The following DGLUCY variants were observed in gnomAD, a reference collection of about 807,000 sequenced individuals.
DGLUCY encodes the protein D-glutamate cyclase.
DGLUCY carries 58 observed loss-of-function variants against 58.5 expected under a neutral mutation model. The ratio of observed to expected loss-of-function variants is 0.99; its 90% CI spans 0.80 to 1.23. The LOEUF is 1.23. Ranked by LOEUF, DGLUCY falls within the 50% of genes most tolerant of loss-of-function variation. The probability of loss-of-function intolerance (pLI) is 0.00; values close to 1 mark genes in which losing one functional copy is unlikely to be tolerated. For missense variants in DGLUCY, 779 were observed against 784.7 expected (o/e 0.99, Z 0.09); for synonymous variants, 325 against 314.1 (o/e 1.03, Z -0.37).
In DGLUCY at chr14:91,170,035, T is replaced by TC. The variant is rs1566980044; in HGVS notation, c.291dup (p.Gly98ArgfsTer95). On this transcript the variant is annotated frameshift_variant, in exon 5 of 14. Transcript: ENST00000256324. LOFTEE classifies it high-confidence loss of function. ...CATCCCCAGTTCTGGAAATACGAGT[T>TC]CGGTGCCTGCACCGGCAGCCTGGCT... is the stretch of plus-strand genomic sequence containing the variant. 1.9e-6 allele frequency: 3 copies of TC among 1,612,268 alleles called. No individual in the cohort carries two copies. In the Admixed American group the frequency reaches 5.0e-5, roughly 27 times the overall value.
At chr14:91,194,403 A>T (rs914543561) in intron 9 of DGLUCY, among the ~76,000 whole-genome samples, 3 of 151,188 alleles carry the variant, frequency 2.0e-5, no homozygotes, top group African/African-American at 7.3e-5. Flanking sequence ...CTGTCCCCCA[A>T]CCCCAAATTG....
At chr14:91,107,277 G>A (rs1012986996), upstream of DGLUCY, among the ~76,000 whole-genome samples, 3 of 152,050 alleles carry the variant, frequency 2.0e-5, no homozygotes, top group Non-Finnish European at 4.4e-5. Context: ...CCGGCACTTT[G>A]GCAAGCTGAG....
intron 1 of DGLUCY, among the ~76,000 whole-genome samples, chr14:91,142,518 T>C (rs562487257): frequency 6.6e-6 from 1 of 152,234 alleles, no homozygotes; most frequent in African/African-American, 2.4e-5. Context: ...CAAAGATTTC[T>C]TATCTCTTCC....
Position 91,074,160 on chromosome 14 carries a change from C to CACACACACACACACAT in DGLUCY, c.-82+13457_-82+13458insCACACACACACACATA, listed in dbSNP as rs1453975330. ...ACACACACACACACACACACACACA[C>CACACACACACACACAT]AGTCAAGCACCTGTATTCCCAGCTA... On this transcript the variant is annotated intron_variant, in intron 1 of 4. Coordinates refer to the DGLUCY transcript ENST00000521334. Among the ~76,000 whole-genome samples, 626 of 135,942 alleles carry CACACACACACACACAT rather than the reference C, an allele frequency of 4.6e-3. 23 individuals are homozygous for CACACACACACACACAT. Among genetic ancestry groups the CACACACACACACACAT allele is most frequent in the African/African-American group, 0.011 (371 of 33,710 alleles). The allele number at this position is 135,942 out of a possible 152,430, so 89.2% of individuals were successfully genotyped here.
Position 91,150,590 on chromosome 14 carries a change from C to T in DGLUCY, c.-81-7049C>T, listed in dbSNP as rs562764435. Among the ~76,000 whole-genome samples, 88 of 152,042 alleles carry T rather than the reference C, an allele frequency of 5.8e-4. 1 individual carries two copies. In the Middle Eastern group the frequency reaches 0.017, roughly 29 times the overall value. On this transcript the variant is annotated intron_variant, in intron 1 of 13. Coordinates refer to ENST00000256324, the MANE Select transcript of DGLUCY (RefSeq NM_001102368.3). Reference sequence around the variant, plus strand: ...CTGAGTAGCTGGGATTACAGGTGCACGCCACCATGCCAGCTAATTTTTTTA... The same window carrying T: ...CTGAGTAGCTGGGATTACAGGTGCATGCCACCATGCCAGCTAATTTTTTTA...
intron 12 of DGLUCY, among the ~76,000 whole-genome samples, chr14:91,205,695 C>A (rs947433601): frequency 6.6e-6 from 1 of 151,564 alleles, no homozygotes; most frequent in African/African-American, 2.4e-5. Context: ...GAAAAAAATC[C>A]CCTCGTGCTT....
At chr14:91,106,477 C>A (rs539763987), upstream of DGLUCY, among the ~76,000 whole-genome samples, 1 of 151,980 alleles carries the variant, frequency 6.6e-6, no homozygotes, top group Non-Finnish European at 1.5e-5. Flanking sequence ...GAGGCCGAGG[C>A]GGGCAGATCA....
At chr14:91,079,056 A>G (rs1296728274) in intron 1 of DGLUCY, among the ~76,000 whole-genome samples, 1 of 151,866 alleles carries the variant, frequency 6.6e-6, no homozygotes, top group Non-Finnish European at 1.5e-5. Context: ...GGCACCCGCC[A>G]CCATGCCTGG....
rs1173878383 is a variant in DGLUCY, at chr14:91,224,982, A to G, written c.*149A>G. 1 of 895,806 alleles carries G rather than the reference A, an allele frequency of 1.1e-6. No individual in the cohort carries two copies. The highest frequency in any genetic ancestry group is 2.9e-5 in the East Asian group (1 of 34,028). The allele number at this position is 895,806 out of a possible 1,614,324, so 55.5% of individuals were successfully genotyped here. On this transcript the variant is annotated 3_prime_UTR_variant, in exon 14 of 14. Coordinates refer to ENST00000256324, the MANE Select transcript of DGLUCY (RefSeq NM_001102368.3). The stretch of plus-strand genomic sequence containing the variant: ...GCCTGGCCTGGGAAACTGCATGCCC[A>G]CTTTCTGGGAGGGGTTAGTGCAGGT...
chr14:91,165,318 C>T, intron 3 of DGLUCY: 1 of 453,756 alleles, frequency 2.2e-6, no homozygotes, highest in Non-Finnish European at 4.4e-6. Flanking sequence ...CATACATTAC[C>T]TCCCTGAGGT....
intron 3 of DGLUCY, among the ~76,000 whole-genome samples, chr14:91,163,049 G>A (rs778926878): frequency 3.3e-5 from 5 of 152,152 alleles, no homozygotes; most frequent in African/African-American, 4.8e-5. Flanking sequence ...CCTGAGGTCA[G>A]GAGTTCAAGA....
At chr14:91,074,848 A>G (rs1409347751) in intron 1 of DGLUCY, among the ~76,000 whole-genome samples, 1 of 152,076 alleles carries the variant, frequency 6.6e-6, no homozygotes, top group Non-Finnish European at 1.5e-5. Flanking sequence ...TGAGGCTGGC[A>G]GATCACCTGA....
At chr14:91,192,213 G>A (rs1017696827) in intron 9 of DGLUCY, among the ~76,000 whole-genome samples, 16 of 152,194 alleles carry the variant, frequency 1.1e-4, no homozygotes, top group African/African-American at 3.9e-4. Context: ...CTACAACATG[G>A]ATGACCCTCG....
Position 91,215,465 on chromosome 14 carries a change from C to T in DGLUCY, c.1625C>T (p.Ala542Val), listed in dbSNP as rs1212653014. 1 of 1,614,210 alleles carries T rather than the reference C, an allele frequency of 6.2e-7. No homozygotes were observed. Among genetic ancestry groups the T allele is most frequent in the East Asian group, 2.2e-5 (1 of 44,886 alleles). ...ACALYILYSC[A>V]VHSQYLRKAV... is the part of the protein sequence containing the mutation. ...GCACTCTACATCCTGTACTCATGTG[C>T]TGTCCACAGTCAGTACCTGAGGAAA... Residue 542 changes from alanine (A) to valine (V), a missense_variant, in exon 13 of 14, where the codon GCT becomes GTT. Physicochemically the swap from Ala to Val is moderately conservative, Grantham distance 64 (BLOSUM62 0). Coordinates refer to ENST00000256324, the MANE Select transcript of DGLUCY (RefSeq NM_001102368.3).
intron 1 of DGLUCY, among the ~76,000 whole-genome samples, chr14:91,151,489 A>C (rs1595770255): frequency 2.0e-5 from 3 of 151,920 alleles, no homozygotes; most frequent in South Asian, 4.2e-4. Context: ...CTCATGATCC[A>C]CCTGCCTTGG....
At chr14:91,069,799 CTTTTTTT>C (rs5810528) in intron 1 of DGLUCY, among the ~76,000 whole-genome samples, 1 of 121,036 alleles carries the variant, frequency 8.3e-6, no homozygotes, top group Admixed American at 8.9e-5. Flanking sequence ...TGATATGCCT[CTTTTTTT>C]TTTTTTTTTT....
chr14:91,069,784 G>A (rs2043884795), intron 1 of DGLUCY, among the ~76,000 whole-genome samples: 1 of 144,930 alleles, frequency 6.9e-6, no homozygotes, highest in African/African-American at 2.5e-5. Flanking sequence ...TTTCACTTAT[G>A]ATAATGATAT....
intron 1 of DGLUCY, among the ~76,000 whole-genome samples, chr14:91,101,071 C>CA (rs201352118): frequency 8.1e-4 from 114 of 141,120 alleles, no homozygotes; most frequent in South Asian, 6.7e-4. Context: ...ACTCCATCTC[C>CA]AAAAAAAAAA....
intron 8 of DGLUCY, chr14:91,185,596 T>C (rs946801970): frequency 1.3e-5 from 2 of 151,896 alleles, no homozygotes; most frequent in Non-Finnish European, 2.9e-5. Flanking sequence ...TTTTTAAAAT[T>C]TCTGCCATAC....
Sources: gnomAD v4.1 joint callset for allele counts (sites outside exome capture counted in the v4.1 genomes callset) on GRCh38, gnomAD v4.1.1 for gene constraint, MANE v1.5 for transcripts, NCBI Gene and HGNC (gene_info 2026-07-23, HGNC 2026-07-21) for gene names.